HTR2C: variants seen among roughly 807,000 people sequenced by gnomAD.
HTR2C encodes 5-hydroxytryptamine receptor 2C.
In HTR2C, 5 loss-of-function variants were observed where a neutral mutation model predicts 21.0. The observed-to-expected ratio is 0.24, with a 90% CI of 0.12 to 0.50. HTR2C has a LOEUF of 0.50. Among genes scored for constraint, HTR2C ranks in the 20% least tolerant of loss-of-function variants. HTR2C has a pLI of 0.98. For missense variants in HTR2C, 271 were observed against 371.2 expected (o/e 0.73, Z 2.22); for synonymous variants, 150 against 145.3 (o/e 1.03, Z -0.23).
chrX:114,883,436 A>C (rs1431099870), intron 5 of HTR2C, among the ~76,000 whole-genome samples: 1 of 110,085 alleles, frequency 9.1e-6, no homozygotes, highest in African/African-American at 3.3e-5. Flanking sequence ...TTCTGCTCTA[A>C]TCTTTACAAG....
At chrX:114,860,457 T>C (rs2070997706) in intron 5 of HTR2C, among the ~76,000 whole-genome samples, 1 of 110,771 alleles carries the variant, frequency 9.0e-6, no homozygotes, top group South Asian at 3.8e-4. Context: ...CATAACATTT[T>C]CTATATTTTT....
intron 4 of HTR2C, among the ~76,000 whole-genome samples, chrX:114,816,266 TGATA>T (rs10526392): frequency 1.1e-4 from 11 of 102,881 alleles, no homozygotes; most frequent in African/African-American, 1.4e-4. Context: ...GATAGATAGA[TGATA>T]GATAGATAGA....
At chrX:114,820,722 T>A (rs1319836132) in intron 4 of HTR2C, among the ~76,000 whole-genome samples, 1 of 110,798 alleles carries the variant, frequency 9.0e-6, no homozygotes, top group Non-Finnish European at 1.9e-5. Flanking sequence ...CTCTTGCTGC[T>A]GCCATGTAAG....
chrX:114,849,148 A>T lies in HTR2C; in HGVS notation c.550+945A>T, dbSNP rs782028563. Among the ~76,000 whole-genome samples, 6 of 112,363 alleles carry T rather than the reference A, an allele frequency of 5.3e-5. No homozygotes were observed. In the South Asian group the frequency reaches 2.2e-3, roughly 41 times the overall value. On this transcript the variant is annotated intron_variant, in intron 5 of 5. Transcript: ENST00000276198. ...ATAGCATAGACACCTTTGAATAAAA[A>T]GTCGTGAAGCTTGTCCCAAAAGACA... is the stretch of plus-strand genomic sequence containing the variant.
Position 114,633,773 on chromosome X carries a change from C to A in HTR2C, c.-80+19892C>A, listed in dbSNP as rs782038846. On this transcript the variant is annotated intron_variant, in intron 2 of 5. Coordinates refer to ENST00000276198, the MANE Select transcript of HTR2C (RefSeq NM_000868.4). ...TATGTTCAAAGGCATCATTCTCTCT[C>A]TCTATATATATATACACATATATGT... 7.3e-5 allele frequency among the ~76,000 whole-genome samples: 8 copies of A among 109,571 alleles called. No homozygotes were observed. In the South Asian group the frequency reaches 1.2e-3, roughly 16 times the overall value.
rs2070252961 is a variant in HTR2C at position 114,793,248 on chromosome X, A to G, written c.350-54755A>G. ...TAAAGATCATCTTGTTATTGTTTTC[A>G]TCATGATCCCATACATTAATATATT... On this transcript the variant is annotated intron_variant, in intron 4 of 5. Transcript: ENST00000276198. 2.7e-5 allele frequency among the ~76,000 whole-genome samples: 3 copies of G among 111,493 alleles called. No homozygotes were observed. In the South Asian group the frequency reaches 1.1e-3, roughly 41 times the overall value.
chrX:114,623,906 G>GTTTTTTTTTTTTTTTTTTT (rs35930521), intron 2 of HTR2C, among the ~76,000 whole-genome samples: 5 of 69,401 alleles, frequency 7.2e-5, no homozygotes, highest in Admixed American at 2.1e-4. Flanking sequence ...TTTTGTTGTT[G>GTTTTTTTTTTTTTTTTTTT]TTTTTTTTTT....
At chrX:114,828,696 A>G (rs1437815819) in intron 4 of HTR2C, among the ~76,000 whole-genome samples, 2 of 111,760 alleles carry the variant, frequency 1.8e-5, no homozygotes, top group Non-Finnish European at 3.8e-5. Context: ...ACTACTTCCA[A>G]AAAAATTCCA....
chrX:114,617,788 T>C (rs1453995507), intron 2 of HTR2C, among the ~76,000 whole-genome samples: 1 of 111,997 alleles, frequency 8.9e-6, no homozygotes, highest in Non-Finnish European at 1.9e-5. Flanking sequence ...GTAACAATAA[T>C]TTGTTCTATA....
intron 2 of HTR2C, among the ~76,000 whole-genome samples, chrX:114,632,298 A>T (rs1255848535): frequency 9.0e-6 from 1 of 111,679 alleles, no homozygotes; most frequent in Non-Finnish European, 1.9e-5. Flanking sequence ...ATGGATGGTA[A>T]ACTTGCCTTC....
intron 5 of HTR2C, among the ~76,000 whole-genome samples, chrX:114,871,620 T>C: frequency 1.2e-5 from 1 of 83,080 alleles, no homozygotes; most frequent in East Asian, 4.7e-4. Context: ...TTACGATTTT[T>C]GTGACATCTT....
intron 4 of HTR2C, among the ~76,000 whole-genome samples, chrX:114,804,545 T>G (rs1338774412): frequency 9.0e-6 from 1 of 111,616 alleles, no homozygotes; most frequent in African/African-American, 3.3e-5. Context: ...GATTCTGGAG[T>G]AAGATACTGT....
chrX:114,891,052 C>T (rs944635497), intron 5 of HTR2C, among the ~76,000 whole-genome samples: 17 of 110,866 alleles, frequency 1.5e-4, no homozygotes, highest in African/African-American at 5.2e-4. Flanking sequence ...TTCTTCTAGC[C>T]TTCGAAATTG....
At chrX:114,775,406 G>T (rs2070047061) in intron 4 of HTR2C, 3 of 528,031 alleles carry the variant, frequency 5.7e-6, no homozygotes, top group South Asian at 4.5e-5. Flanking sequence ...TGTCAAGCAG[G>T]TTGTCATCCT....
intron 4 of HTR2C, among the ~76,000 whole-genome samples, chrX:114,735,141 C>T (rs2069578342): frequency 9.1e-6 from 1 of 109,676 alleles, no homozygotes; most frequent in Non-Finnish European, 1.9e-5. Flanking sequence ...TAGTAGAGAC[C>T]CAGTATCTAC....
At chrX:114,724,848 T>C (rs1333010857) in intron 2 of HTR2C, among the ~76,000 whole-genome samples, 9 of 102,465 alleles carry the variant, frequency 8.8e-5, no homozygotes, top group Admixed American at 6.6e-4. Flanking sequence ...TTGGTCCCCA[T>C]TCTCTTCTGG....
At position 114,834,058 on chromosome X, in the gene HTR2C, C is replaced by G. The variant is rs782615696; in HGVS notation, c.350-13945C>G. Among the ~76,000 whole-genome samples the G allele has an allele frequency of 1.4e-4, 15 of 110,914 alleles. No homozygotes were observed. The East Asian group carries it at 4.0e-3, about 29-fold the overall frequency. ...AGTTCTAGTTTGATTGCAGTGTGGTCTGAGAGATAGTTTATTATAATCTCT... is the reference window on the plus strand; with the variant it reads ...AGTTCTAGTTTGATTGCAGTGTGGTGTGAGAGATAGTTTATTATAATCTCT... On this transcript the variant is annotated intron_variant, in intron 4 of 5. Transcript: ENST00000276198.
At chrX:114,741,757 T>G (rs1349271758) in intron 4 of HTR2C, among the ~76,000 whole-genome samples, 1 of 108,248 alleles carries the variant, frequency 9.2e-6, no homozygotes. Context: ...TTCTTTTGTA[T>G]TCAATCAATA....
At chrX:114,725,286 C>A (rs1435466019) in intron 2 of HTR2C, among the ~76,000 whole-genome samples, 3 of 111,377 alleles carry the variant, frequency 2.7e-5, no homozygotes, top group Non-Finnish European at 5.7e-5. Context: ...TCACTGATAC[C>A]CTTTCTTCCA....
Sources: gnomAD v4.1 joint callset for allele counts (sites outside exome capture counted in the v4.1 genomes callset) on GRCh38, gnomAD v4.1.1 for gene constraint, MANE v1.5 for transcripts, NCBI Gene and HGNC (gene_info 2026-07-23, HGNC 2026-07-21) for gene names.